Variants in HDAC9 observed in about 807,000 individuals in gnomAD.
HDAC9 encodes the protein histone deacetylase 9.
In HDAC9, 41 loss-of-function variants were observed where a neutral mutation model predicts 139.4. The observed-to-expected ratio is 0.29, with a 90% CI of 0.23 to 0.38. The LOEUF (loss-of-function observed/expected upper bound fraction) is 0.38, where lower values mean the gene tolerates loss of function less well. Ranked by LOEUF, HDAC9 falls within the 10% of genes least tolerant of loss-of-function variation. The pLI is 1.00. For synonymous variants in HDAC9, 517 were observed against 476.2 expected (o/e 1.09, Z -1.12); for missense variants, 1,147 against 1,297.0 (o/e 0.88, Z 1.78).
At chr7:18,893,902 G>T (rs531474767) in intron 22 of HDAC9, among the ~76,000 whole-genome samples, 1 of 152,268 alleles carries the variant, frequency 6.6e-6, no homozygotes, top group Non-Finnish European at 1.5e-5. Flanking sequence ...GTAGGCATGG[G>T]GAACAGAAAG....
intron 2 of HDAC9, among the ~76,000 whole-genome samples, chr7:18,544,494 T>C (rs554481371): frequency 1.3e-5 from 2 of 152,152 alleles, no homozygotes; most frequent in Non-Finnish European, 2.9e-5. Context: ...AACAGAGATA[T>C]GTATTTGGGC....
chr7:18,822,386 C>T (rs940096378), intron 17 of HDAC9, among the ~76,000 whole-genome samples: 6 of 152,056 alleles, frequency 3.9e-5, no homozygotes, highest in African/African-American at 1.4e-4. Context: ...TGGAGTCTCA[C>T]TCTTGTCGCC....
chr7:18,329,795 G>A (rs1267219408), intron 1 of HDAC9, among the ~76,000 whole-genome samples: 1 of 151,684 alleles, frequency 6.6e-6, no homozygotes, highest in African/African-American at 2.4e-5. Context: ...TGCCTTTTAT[G>A]CATTTTATGT....
chr7:18,184,872 A>T (rs1789782427), intron 2 of HDAC9, among the ~76,000 whole-genome samples: 1 of 152,172 alleles, frequency 6.6e-6, no homozygotes, highest in African/African-American at 2.4e-5. Flanking sequence ...TTTTATTAAA[A>T]TTTATGATTT....
At chr7:18,201,462 A>C (rs1414791455) in intron 2 of HDAC9, among the ~76,000 whole-genome samples, 1 of 152,204 alleles carries the variant, frequency 6.6e-6, no homozygotes, top group Non-Finnish European at 1.5e-5. Flanking sequence ...TATGCCTTTA[A>C]CAGTCCCCTA....
chr7:18,968,493 G>C lies in HDAC9; in HGVS notation c.3023-7313G>C, dbSNP rs187252544. 4.6e-5 allele frequency among the ~76,000 whole-genome samples: 7 copies of C among 152,190 alleles called. No individual in the cohort carries two copies. In the South Asian group the frequency reaches 1.5e-3, roughly 32 times the overall value. On this transcript the variant is annotated intron_variant, in intron 24 of 25. Coordinates refer to ENST00000686413, the MANE Select transcript of HDAC9 (RefSeq NM_178425.4). ...ATATCTAATGTTCCATACATATATGGAACACTGTCTTTCTTTCAGACATTG... is the reference window on the plus strand; with the variant it reads ...ATATCTAATGTTCCATACATATATGCAACACTGTCTTTCTTTCAGACATTG...
At chr7:18,587,031 G>A (rs777678115) in intron 3 of HDAC9, among the ~76,000 whole-genome samples, 7 of 152,110 alleles carry the variant, frequency 4.6e-5, no homozygotes, top group Non-Finnish European at 8.8e-5. Flanking sequence ...TAAGATGTAA[G>A]GGACTGTGTA....
At chr7:18,579,559 A>G (rs1479464957) in intron 2 of HDAC9, among the ~76,000 whole-genome samples, 2 of 152,234 alleles carry the variant, frequency 1.3e-5, no homozygotes, top group Non-Finnish European at 2.9e-5. Flanking sequence ...CAGAATTTTT[A>G]GTTCATATGT....
At chr7:18,742,752 C>T (rs563641895) in intron 13 of HDAC9, among the ~76,000 whole-genome samples, 13 of 152,116 alleles carry the variant, frequency 8.5e-5, no homozygotes, top group South Asian at 2.1e-4. Context: ...TATTCAATAG[C>T]GCTGATCTGG....
chr7:18,183,956 G>T (rs937388114), intron 2 of HDAC9, among the ~76,000 whole-genome samples: 5 of 152,076 alleles, frequency 3.3e-5, no homozygotes, highest in Admixed American at 2.6e-4. Flanking sequence ...AATAATCCAG[G>T]AAAATAAAAC....
At chr7:18,818,527 C>G (rs1261059042) in intron 17 of HDAC9, among the ~76,000 whole-genome samples, 1 of 152,190 alleles carries the variant, frequency 6.6e-6, no homozygotes, top group Non-Finnish European at 1.5e-5. Flanking sequence ...TTACTATTCT[C>G]TGCACTGCAG....
intron 2 of HDAC9, among the ~76,000 whole-genome samples, chr7:18,168,980 C>G (rs910756331): frequency 2.7e-5 from 4 of 148,124 alleles, no homozygotes; most frequent in Non-Finnish European, 5.9e-5. Flanking sequence ...TCTTGTTGCC[C>G]AGGCTGGAGT....
chr7:18,865,363 A>C (rs1375618021), intron 21 of HDAC9, among the ~76,000 whole-genome samples: 1 of 151,992 alleles, frequency 6.6e-6, no homozygotes, highest in East Asian at 1.9e-4. Flanking sequence ...AAAGATGAAA[A>C]ATTGAGGCAA....
intron 25 of HDAC9, among the ~76,000 whole-genome samples, chr7:18,990,978 G>A (rs978138783): frequency 6.6e-6 from 1 of 152,220 alleles, no homozygotes; most frequent in Non-Finnish European, 1.5e-5. Flanking sequence ...CGGTACCTCA[G>A]ATGGAAATGC....
At chr7:18,326,993 A>G (rs531968650) in intron 1 of HDAC9, among the ~76,000 whole-genome samples, 1 of 152,034 alleles carries the variant, frequency 6.6e-6, no homozygotes, top group East Asian at 1.9e-4. Flanking sequence ...AAAAGCAATT[A>G]AGAGTTGAAG....
intron 2 of HDAC9, among the ~76,000 whole-genome samples, chr7:18,240,905 C>T (rs1402009967): frequency 6.6e-6 from 1 of 152,158 alleles, no homozygotes; most frequent in African/African-American, 2.4e-5. Flanking sequence ...TTTGCCTCTC[C>T]TCCTTTCTTT....
intron 1 of HDAC9, among the ~76,000 whole-genome samples, chr7:18,431,036 T>TGTCCTGTCCTGTCCTGTCCAGTCCA (rs1790603774): frequency 6.6e-6 from 1 of 151,252 alleles, no homozygotes; most frequent in Non-Finnish European, 1.5e-5. Flanking sequence ...TGTCCTGTCC[T>TGTCCTGTCCTGTCCTGTCCAGTCCA]GTCCTGTCCT....
intron 2 of HDAC9, among the ~76,000 whole-genome samples, chr7:18,171,294 T>A (rs1339665710): frequency 6.6e-6 from 1 of 152,212 alleles, no homozygotes; most frequent in Non-Finnish European, 1.5e-5. Context: ...CCCATTGATT[T>A]TGTATCCTGA....
chr7:18,144,680 C>G (rs1406186985), intron 1 of HDAC9, among the ~76,000 whole-genome samples: 1 of 152,088 alleles, frequency 6.6e-6, no homozygotes. Context: ...CTCTCCTTTT[C>G]GTGATCTGCC....
Sources: allele counts gnomAD v4.1 joint callset (sites outside exome capture counted in the v4.1 genomes callset), GRCh38; gene constraint gnomAD v4.1.1; transcripts MANE v1.5; gene names NCBI Gene and HGNC (gene_info 2026-07-23, HGNC 2026-07-21).